The following SORL1 variants were observed in gnomAD, a reference collection of about 807,000 sequenced individuals.
SORL1 encodes the protein sortilin-related receptor.
In SORL1, 127 loss-of-function variants were observed where a neutral mutation model predicts 273.7. The observed-to-expected ratio is 0.46, with a 90% CI of 0.40 to 0.54. The LOEUF (loss-of-function observed/expected upper bound fraction) is 0.54. Ranked by LOEUF, SORL1 falls within the 20% of genes least tolerant of loss-of-function variation. SORL1 has a pLI of 0.00. For synonymous variants in SORL1, 1,031 were observed against 1,067.4 expected, an observed-to-expected ratio of 0.97 and a Z score of 0.66; for missense variants, 2,494 against 2,846.1, an observed-to-expected ratio of 0.88 and a Z score of 2.81.
intron 25 of SORL1, among the ~76,000 whole-genome samples, chr11:121,581,677 GA>G (rs1309908463): frequency 1.4e-4 from 22 of 152,328 alleles, no homozygotes; most frequent in African/African-American, 5.1e-4. Context: ...CTGGCCACTT[GA>G]ATGCAAACTG....
At chr11:121,559,490 G>A in intron 20 of SORL1, 29 bp from the exon 21 acceptor site, 1 of 1,607,442 alleles carries the variant, frequency 6.2e-7, no homozygotes, top group Non-Finnish European at 8.5e-7. Context: ...CGAAAGAGCT[G>A]GACTAATGGG....
At chr11:121,555,577 A>G (rs1862567163) in intron 18 of SORL1, among the ~76,000 whole-genome samples, 1 of 152,000 alleles carries the variant, frequency 6.6e-6, no homozygotes, top group Non-Finnish European at 1.5e-5. Flanking sequence ...ATATGTACTT[A>G]CTTATTTTAT....
rs760570062 is a variant in SORL1, at chr11:121,558,552, G to C, written c.2664-39G>C. 16 of 1,610,352 alleles carry C rather than the reference G, an allele frequency of 9.9e-6. No homozygotes were observed. In the African/African-American group the frequency reaches 1.3e-4, roughly 13 times the overall value. On this transcript the variant is annotated intron_variant, in intron 19 of 47. Transcript: ENST00000260197. Reference sequence around the variant, plus strand: ...TAGTATTTGAGCTCCCATTTCTCTAGTATTGATGAGGTATGTGTTCTGTCC... The same window carrying C: ...TAGTATTTGAGCTCCCATTTCTCTACTATTGATGAGGTATGTGTTCTGTCC...
At chr11:121,538,392 G>GTAGC (rs1862297706) in intron 12 of SORL1, among the ~76,000 whole-genome samples, 1 of 152,024 alleles carries the variant, frequency 6.6e-6, no homozygotes, top group African/African-American at 2.4e-5. Flanking sequence ...GTTTATCACT[G>GTAGC]TAGCTGCCTA....
chr11:121,478,345 T>G, intron 3 of SORL1, 102 bp downstream of exon 3: 1 of 1,318,896 alleles, frequency 7.6e-7, no homozygotes, highest in African/African-American at 1.5e-5. Context: ...CTCTGTGATC[T>G]TTGTAGCATG....
intron 9 of SORL1, among the ~76,000 whole-genome samples, chr11:121,522,022 C>T (rs781571286): frequency 5.3e-5 from 8 of 152,158 alleles, no homozygotes; most frequent in Non-Finnish European, 1.2e-4. Context: ...GAAGCCTTGC[C>T]CTGTATACCT....
intron 6 of SORL1, among the ~76,000 whole-genome samples, chr11:121,506,359 A>G (rs761184946): frequency 2.6e-5 from 4 of 152,220 alleles, no homozygotes; most frequent in Non-Finnish European, 5.9e-5. Context: ...AAGGTTTATA[A>G]TGGACTTACA....
Position 121,577,392 on chromosome 11 carries a change from A to C in SORL1, c.3572A>C (p.Asn1191Thr). Reference protein sequence around the residue: ...NDCRDWSDEANCTAIYHTCEA... With the variant: ...NDCRDWSDEATCTAIYHTCEA... The stretch of plus-strand genomic sequence containing the variant: ...TGCAGGGACTGGTCTGATGAAGCCA[A>C]CTGTACCGGTCAGTACTTCCTGGAC... Residue 1191 changes from asparagine (N) to threonine (T), a missense_variant, in exon 25 of 48, where the codon AAC (asparagine) becomes ACC (threonine). By Grantham distance (65) the Asn-to-Thr change is moderately conservative (BLOSUM62 0). This residue lies in a region of SORL1 where 1,609 missense variants were observed against 1,816.4 expected (regional missense o/e 0.89). Coordinates refer to ENST00000260197, the MANE Select transcript of SORL1 (RefSeq NM_003105.6). 1.2e-6 allele frequency: 2 copies of C among 1,606,180 alleles called. No homozygotes were observed. The highest frequency in any genetic ancestry group is 1.7e-6 in the Non-Finnish European group (2 of 1,176,428).
chr11:121,479,508 A>G (rs986448658), intron 3 of SORL1, among the ~76,000 whole-genome samples: 1 of 152,204 alleles, frequency 6.6e-6, no homozygotes, highest in African/African-American at 2.4e-5. Context: ...CAGGGGCTGC[A>G]TTCAAAATAT....
chr11:121,460,433 G>A (rs1231799919), intron 1 of SORL1, among the ~76,000 whole-genome samples: 1 of 128,750 alleles, frequency 7.8e-6, no homozygotes, highest in Admixed American at 9.6e-5. Context: ...GTCTCGCTCC[G>A]TCACCCAGCT....
chr11:121,529,917 A>G (rs1862177862), intron 11 of SORL1, among the ~76,000 whole-genome samples: 1 of 152,050 alleles, frequency 6.6e-6, no homozygotes. Flanking sequence ...TGTATTATCT[A>G]GATACATTAA....
chr11:121,536,723 C>T (rs988896328), intron 12 of SORL1, among the ~76,000 whole-genome samples: 2 of 151,986 alleles, frequency 1.3e-5, no homozygotes, highest in Non-Finnish European at 1.5e-5. Flanking sequence ...CACCTTTTAA[C>T]TGTTAAGAAA....
At chr11:121,508,034 T>C (rs1405058174) in intron 6 of SORL1, among the ~76,000 whole-genome samples, 1 of 152,230 alleles carries the variant, frequency 6.6e-6, no homozygotes, top group African/African-American at 2.4e-5. Context: ...TGCTACTGAA[T>C]TGTCTCGTAA....
intron 16 of SORL1, among the ~76,000 whole-genome samples, chr11:121,551,934 G>T (rs1158188170): frequency 6.6e-6 from 1 of 152,190 alleles, no homozygotes; most frequent in Non-Finnish European, 1.5e-5. Context: ...GGTTAGTAGG[G>T]TTTGAGTGAT....
chr11:121,554,119 C>A lies in SORL1; in HGVS notation c.2439+10C>A. The A allele has an allele frequency of 6.2e-7, 1 of 1,611,128 alleles. No individual in the cohort carries two copies. Among genetic ancestry groups the A allele is most frequent in the Non-Finnish European group, 8.5e-7 (1 of 1,177,872 alleles). ...CTTGGACGTCATCCAGGTGAGTCAG[C>A]GCTTGGTCTGACTGTGGGAGCTGTG... On this transcript the variant is annotated intron_variant, in intron 17 of 47. Transcript: ENST00000260197. The surrounding 1 kb of genome is among the most constrained non-coding windows in gnomAD (Gnocchi z 4.6).
intron 2 of SORL1, among the ~76,000 whole-genome samples, chr11:121,472,851 TC>T (rs1475589226): frequency 6.6e-6 from 1 of 151,756 alleles, no homozygotes; most frequent in African/African-American, 2.4e-5. Flanking sequence ...TTCCAGCTAC[TC>T]GGGAGGCTGA....
rs147602246 is a variant in SORL1, at chr11:121,477,950, T to G, written c.403-168T>G. On this transcript the variant is annotated intron_variant, in intron 2 of 47. Coordinates refer to ENST00000260197, the MANE Select transcript of SORL1 (RefSeq NM_003105.6). Reference sequence around the variant, plus strand: ...GGGAGGCTGAGGCAAGAGAATCGCTTGAACCCGGGAGGCAGAGGTTGCAGT... The same window carrying G: ...GGGAGGCTGAGGCAAGAGAATCGCTGGAACCCGGGAGGCAGAGGTTGCAGT... Among the ~76,000 whole-genome samples the G allele has an allele frequency of 2.9e-3, 435 of 151,228 alleles. 5 individuals are homozygous for G. Among genetic ancestry groups the G allele is most frequent in the African/African-American group, 9.9e-3 (408 of 41,082 alleles).
intron 12 of SORL1, 144 bp downstream of exon 12, chr11:121,532,696 TTTTTTTTGAGATGG>T: frequency 1.4e-6 from 1 of 690,480 alleles, no homozygotes. Context: ...ACTTTTTTTT[TTTTTTTTGAGATGG>T]AGTCTTGCTC....
chr11:121,562,539 C>T (rs1385793017), intron 21 of SORL1, among the ~76,000 whole-genome samples: 1 of 152,208 alleles, frequency 6.6e-6, no homozygotes, highest in Non-Finnish European at 1.5e-5. Context: ...CTCCCTTTGT[C>T]CAGCGTCTCA....
Sources: gnomAD v4.1 joint callset for allele counts (sites outside exome capture counted in the v4.1 genomes callset) on GRCh38, gnomAD v4.1.1 for gene constraint, gnomAD v4.1.1 regional missense constraint, Gnocchi (gnomAD v3.1) non-coding constraint, MANE v1.5 for transcripts, NCBI Gene and HGNC (gene_info 2026-07-23, HGNC 2026-07-21) for gene names.